Variants in TNFRSF1B observed in about 807,000 individuals in gnomAD.
TNFRSF1B encodes the protein TNF receptor superfamily member 1B.
A neutral mutation model predicts 44.6 loss-of-function variants in TNFRSF1B; 19 were observed. The ratio of observed to expected loss-of-function variants is 0.43; its 90% CI spans 0.30 to 0.62. The LOEUF (loss-of-function observed/expected upper bound fraction) is 0.62. TNFRSF1B is among the 20% of genes least tolerant of loss of function. The pLI, the probability that TNFRSF1B is intolerant of heterozygous loss-of-function variation, is 0.16. For synonymous variants in TNFRSF1B, 252 were observed against 261.1 expected (o/e 0.97, Z 0.34); for missense variants, 541 against 619.9 (o/e 0.87, Z 1.35).
At chr1:12,204,603 G>A (rs1369581059) in intron 9 of TNFRSF1B, among the ~76,000 whole-genome samples, 2 of 152,078 alleles carry the variant, frequency 1.3e-5, no homozygotes, top group African/African-American at 2.4e-5. Context: ...CAAACCCACC[G>A]TCCAGTGCCT....
intron 1 of TNFRSF1B, among the ~76,000 whole-genome samples, chr1:12,181,239 TG>T (rs1638797480): frequency 6.6e-6 from 1 of 152,308 alleles, no homozygotes; most frequent in African/African-American, 2.4e-5. Flanking sequence ...TTCGCTGCCC[TG>T]GGGTGTGTTC....
At chr1:12,176,999 G>A (rs549615106) in intron 1 of TNFRSF1B, among the ~76,000 whole-genome samples, 2 of 152,084 alleles carry the variant, frequency 1.3e-5, no homozygotes, top group South Asian at 4.1e-4. Context: ...GAGCCCAATG[G>A]ACCGATTCTG....
At chr1:12,167,846 A>G (rs1000886837) in intron 1 of TNFRSF1B, among the ~76,000 whole-genome samples, 3 of 152,098 alleles carry the variant, frequency 2.0e-5, no homozygotes, top group Admixed American at 2.0e-4. Flanking sequence ...GTAATCGAGC[A>G]AGGCAAATGA....
intron 9 of TNFRSF1B, among the ~76,000 whole-genome samples, chr1:12,203,565 C>A (rs1639437783): frequency 6.6e-6 from 1 of 152,176 alleles, no homozygotes; most frequent in South Asian, 2.1e-4. Context: ...GGTGGGAGGT[C>A]TCATCAGTGC....
At position 12,177,709 on chromosome 1, in the gene TNFRSF1B, G is replaced by T. The variant is rs905327778; in HGVS notation, c.78+10540G>T. On this transcript the variant is annotated intron_variant, in intron 1 of 9. Transcript: ENST00000376259. This position sits in a 1 kb window ranked among gnomAD's most constrained non-coding sequence, Gnocchi z 4.3. ...CTCAGGAGACTGAGGCAGGAGAATC[G>T]CTTGAACCTGGGAGGCGGAGTTTGC... 6.6e-6 allele frequency among the ~76,000 whole-genome samples: 1 copy of T among 151,678 alleles called. No homozygotes were observed. Among genetic ancestry groups the T allele is most frequent in the South Asian group, 2.1e-4 (1 of 4,804 alleles).
At chr1:12,204,229 C>A (rs976228224) in intron 9 of TNFRSF1B, among the ~76,000 whole-genome samples, 2 of 152,154 alleles carry the variant, frequency 1.3e-5, no homozygotes, top group Non-Finnish European at 2.9e-5. Context: ...ACTGTGGGAA[C>A]CTGTAAACCC....
At chr1:12,175,513 C>T (rs1370493941) in intron 1 of TNFRSF1B, among the ~76,000 whole-genome samples, 1 of 152,162 alleles carries the variant, frequency 6.6e-6, no homozygotes, top group Non-Finnish European at 1.5e-5. Flanking sequence ...CTGGGTGCCC[C>T]TGCTGGCCCC....
chr1:12,198,693 T>TTTTTTTTTTTC (rs1639323603), intron 8 of TNFRSF1B, among the ~76,000 whole-genome samples: 1 of 132,648 alleles, frequency 7.5e-6, no homozygotes, highest in Non-Finnish European at 1.6e-5. Flanking sequence ...GGAATTCTGT[T>TTTTTTTTTTTC]TTTTTTTTTT....
chr1:12,176,902 G>T (rs2101083093), intron 1 of TNFRSF1B, among the ~76,000 whole-genome samples: 1 of 152,320 alleles, frequency 6.6e-6, no homozygotes, highest in East Asian at 1.9e-4. Context: ...GGGAACATAG[G>T]AGGTGAGGAG....
At chr1:12,183,711 T>TCTATCTACCTATCTATCTATCTA (rs1553163383) in intron 1 of TNFRSF1B, among the ~76,000 whole-genome samples, 2 of 93,276 alleles carry the variant, frequency 2.1e-5, no homozygotes, top group East Asian at 3.4e-4. Flanking sequence ...TATCTATCTA[T>TCTATCTACCTATCTATCTATCTA]TCTATCTACC....
rs560260854 is a variant in TNFRSF1B, at chr1:12,206,750, T to C, written c.1116T>C (p.Pro372=). ...TCTTGTGCTTAGCAGATTCTTCCCC[T>C]GGTGGCCATGGGACCCAGGTCAATG... is the stretch of plus-strand genomic sequence containing the variant. ...RASTGSSDSS[P]GGHGTQVNVT... The change falls in exon 10 of 10, where the codon CCT becomes CCC. Residue 372 remains proline (P), a synonymous_variant. Transcript: ENST00000376259. 8 of 1,587,284 alleles carry C rather than the reference T, an allele frequency of 5.0e-6. No homozygotes were observed. The African/African-American group carries it at 5.4e-5, about 11-fold the overall frequency.
rs1439834268 is a variant in TNFRSF1B at position 12,186,221 on chromosome 1, G to A, written c.79-2575G>A. Among the ~76,000 whole-genome samples, 1 of 152,182 alleles carries A rather than the reference G, an allele frequency of 6.6e-6. No individual in the cohort carries two copies. The highest frequency in any genetic ancestry group is 1.5e-5 in the Non-Finnish European group (1 of 68,016). ...GTGGTGCTGCCTGCCAGGCTGAGGT[G>A]GGAGACAGCTGGGTTTCTAGCCCTG... On this transcript the variant is annotated intron_variant, in intron 1 of 9. Coordinates refer to ENST00000376259, the MANE Select transcript of TNFRSF1B (RefSeq NM_001066.3). The surrounding 1 kb of genome is among the most constrained non-coding windows in gnomAD (Gnocchi z 4.8).
At chr1:12,183,000 C>T (rs1638844475) in intron 1 of TNFRSF1B, among the ~76,000 whole-genome samples, 1 of 152,210 alleles carries the variant, frequency 6.6e-6, no homozygotes, top group South Asian at 2.1e-4. Flanking sequence ...GATTGCAGCT[C>T]TTCTGGGATA....
At chr1:12,205,235 A>AGCTCTCTAG (rs1639476608) in intron 9 of TNFRSF1B, among the ~76,000 whole-genome samples, 1 of 152,028 alleles carries the variant, frequency 6.6e-6, no homozygotes, top group Admixed American at 6.5e-5. Flanking sequence ...ACTAGAGAAG[A>AGCTCTCTAG]GCTCTCTAGG....
intron 9 of TNFRSF1B, among the ~76,000 whole-genome samples, chr1:12,202,474 C>T (rs1271615899): frequency 1.3e-5 from 2 of 152,176 alleles, no homozygotes; most frequent in Non-Finnish European, 2.9e-5. Flanking sequence ...GCTGCTCCTC[C>T]GGGCTCACCA....
In TNFRSF1B at chr1:12,180,126, C is replaced by T. The variant is rs761778868; in HGVS notation, c.79-8670C>T. Among the ~76,000 whole-genome samples, 26 of 152,100 alleles carry T rather than the reference C, an allele frequency of 1.7e-4. No homozygotes were observed. The highest frequency in any genetic ancestry group is 3.4e-3 in the Middle Eastern group (1 of 294). The stretch of plus-strand genomic sequence containing the variant: ...GGGTACGGCATCTAAAAGGGATCTC[C>T]GGAACATTGAAAAGCCATGAAGGCC... On this transcript the variant is annotated intron_variant, in intron 1 of 9. Transcript: ENST00000376259. This position sits in a 1 kb window ranked among gnomAD's most constrained non-coding sequence, Gnocchi z 4.3.
chr1:12,196,415 C>T (rs1639265425), intron 8 of TNFRSF1B, among the ~76,000 whole-genome samples: 1 of 152,224 alleles, frequency 6.6e-6, no homozygotes, highest in South Asian at 2.1e-4. Flanking sequence ...CAGCCTCATT[C>T]CCACTCCAGT....
chr1:12,204,021 T>A (rs929313818), intron 9 of TNFRSF1B, among the ~76,000 whole-genome samples: 1 of 152,244 alleles, frequency 6.6e-6, no homozygotes, highest in African/African-American at 2.4e-5. Flanking sequence ...TGAGCCAACA[T>A]GCGCAGCCCA....
intron 1 of TNFRSF1B, among the ~76,000 whole-genome samples, chr1:12,175,858 G>A (rs934346920): frequency 2.6e-5 from 4 of 152,196 alleles, no homozygotes; most frequent in African/African-American, 9.7e-5. Flanking sequence ...AAAGGTAGGC[G>A]GGTTTAGGAT....
Sources: allele counts gnomAD v4.1 joint callset (sites outside exome capture counted in the v4.1 genomes callset), GRCh38; gene constraint gnomAD v4.1.1; non-coding constraint Gnocchi (gnomAD v3.1); transcripts MANE v1.5; gene names NCBI Gene and HGNC (gene_info 2026-07-23, HGNC 2026-07-21).